The following ACSL4 variants were observed in gnomAD, a reference collection of about 807,000 sequenced individuals.
ACSL4 encodes the protein long-chain-fatty-acid--CoA ligase 4.
Under a neutral mutation model 49.1 loss-of-function variants are expected in ACSL4, and 9 were observed. That is an observed-to-expected ratio of 0.18 (90% CI 0.11 to 0.32). The LOEUF (loss-of-function observed/expected upper bound fraction) is 0.32, where lower values mean the gene tolerates loss of function less well. Among genes scored for constraint, ACSL4 ranks in the 10% least tolerant of loss-of-function variants. The probability of loss-of-function intolerance (pLI) is 1.00; values close to 1 mark genes in which losing one functional copy is unlikely to be tolerated. For missense variants in ACSL4, 333 were observed against 493.7 expected (o/e 0.67, Z 3.08); for synonymous variants, 191 against 170.3 (o/e 1.12, Z -0.95).
chrX:109,681,116 A>G lies in ACSL4; in HGVS notation c.537T>C (p.Ser179=). 8.3e-7 allele frequency: 1 copy of G among 1,210,690 alleles called. No homozygotes were observed. Among genetic ancestry groups the G allele is most frequent in the Non-Finnish European group, 1.1e-6 (1 of 894,980 alleles). The change falls in exon 6 of 16, where the codon AGT becomes AGC. Residue 179 remains serine (S), a synonymous_variant. Transcript: ENST00000672401. ...SKLKTALLDI[S]CVKHIIYVDN... is the part of the protein sequence containing the mutation. ...CCACATAAATGATATGTTTAACACA[A>G]CTGATATCTAACAATGCAGTCTGTT...
intron 10 of ACSL4, 111 bp downstream of exon 10, chrX:109,668,923 T>C (rs1922918159): frequency 3.2e-6 from 2 of 628,068 alleles, no homozygotes; most frequent in South Asian, 5.5e-5. Flanking sequence ...CTTATGATCA[T>C]GGTGGTGATA....
At chrX:109,683,637 T>C (rs1924360550) in intron 2 of ACSL4, 1 of 457,135 alleles carries the variant, frequency 2.2e-6, no homozygotes, top group African/African-American at 2.5e-5. Flanking sequence ...TAAAAGTTAG[T>C]AATCTTTGGA....
At chrX:109,688,664 G>A (rs1924798932) in intron 2 of ACSL4, among the ~76,000 whole-genome samples, 2 of 111,055 alleles carry the variant, frequency 1.8e-5, no homozygotes, top group South Asian at 7.6e-4. Flanking sequence ...CATGCTATTA[G>A]ATCCAAAGGT....
chrX:109,729,208 C>T (rs747728112), intron 1 of ACSL4, among the ~76,000 whole-genome samples: 7 of 109,695 alleles, frequency 6.4e-5, no homozygotes, highest in East Asian at 2.8e-4. Flanking sequence ...AGCGAGACTC[C>T]GTCTCAAAAA....
At chrX:109,679,179 T>C (rs774296536) in intron 6 of ACSL4, among the ~76,000 whole-genome samples, 9 of 112,274 alleles carry the variant, frequency 8.0e-5, no homozygotes, top group Non-Finnish European at 1.7e-4. Context: ...GATTCTCATA[T>C]ATGCCCCTGA....
At chrX:109,714,386 T>C (rs1395195781) in intron 1 of ACSL4, among the ~76,000 whole-genome samples, 1 of 112,306 alleles carries the variant, frequency 8.9e-6, no homozygotes, top group African/African-American at 3.2e-5. Flanking sequence ...AAAAAGGTTA[T>C]AGTAAGCTAA....
intron 10 of ACSL4, 105 bp downstream of exon 10, chrX:109,668,929 T>C: frequency 1.5e-6 from 1 of 655,660 alleles, no homozygotes; most frequent in Non-Finnish European, 2.4e-6. Context: ...ATCATGGTGG[T>C]GATATTCAAA....
chrX:109,730,857 G>A (rs1928381425), intron 1 of ACSL4, among the ~76,000 whole-genome samples: 2 of 111,191 alleles, frequency 1.8e-5, no homozygotes, highest in Admixed American at 1.9e-4. Context: ...TAGTAGAGAC[G>A]GGGTTCCACC....
rs772055932 is a variant in ACSL4, at chrX:109,668,135, C to G, written c.1281G>C (p.Leu427=). The change falls in exon 11 of 16, where the codon CTG becomes CTC. Residue 427 remains leucine (L), a synonymous_variant. Coordinates refer to ENST00000672401, the MANE Select transcript of ACSL4 (RefSeq NM_001318510.2). Reference sequence around the variant, plus strand: ...CTGTCCCAGCACCACATGATTCTGTCAGTCCATAACCCTGGCCAATTGGGC... The same window carrying G: ...CTGTCCCAGCACCACATGATTCTGTGAGTCCATAACCCTGGCCAATTGGGC... ...FCCPIGQGYG[L]TESCGAGTVT... is the part of the protein sequence containing the mutation. 1 of 1,208,603 alleles carries G rather than the reference C, an allele frequency of 8.3e-7. No homozygotes were observed. The highest frequency in any genetic ancestry group is 2.2e-5 in the Admixed American group (1 of 45,989).
intron 1 of ACSL4, among the ~76,000 whole-genome samples, chrX:109,698,020 C>T (rs1244805057): frequency 9.0e-6 from 1 of 111,080 alleles, no homozygotes; most frequent in Non-Finnish European, 1.9e-5. Context: ...AACTCTTGAC[C>T]CTTGGTACTA....
chrX:109,692,510 C>T (rs1250603081), intron 2 of ACSL4, among the ~76,000 whole-genome samples: 1 of 111,925 alleles, frequency 8.9e-6, no homozygotes, highest in Non-Finnish European at 1.9e-5. Flanking sequence ...TATAATCAAA[C>T]TTTATTAAAC....
At chrX:109,650,140 C>T (rs1342925120) in intron 15 of ACSL4, among the ~76,000 whole-genome samples, 1 of 111,477 alleles carries the variant, frequency 9.0e-6, no homozygotes, top group East Asian at 2.8e-4. Flanking sequence ...GGATCTAGAA[C>T]TAGAAATACC....
chrX:109,679,695 G>A (rs902889011), intron 6 of ACSL4, among the ~76,000 whole-genome samples: 1 of 112,269 alleles, frequency 8.9e-6, no homozygotes, highest in Admixed American at 9.4e-5. Context: ...CACAATAACT[G>A]TCTGTACCAC....
At chrX:109,693,751 G>C (rs182676692) in intron 2 of ACSL4, among the ~76,000 whole-genome samples, 139 of 111,798 alleles carry the variant, frequency 1.2e-3, no homozygotes, top group Non-Finnish European at 2.2e-3. Context: ...GCAATTGATG[G>C]GGGGCCTCCA....
chrX:109,671,187 T>A lies in ACSL4; in HGVS notation c.1003-2014A>T, dbSNP rs191489068. 5.5e-3 allele frequency among the ~76,000 whole-genome samples: 599 copies of A among 108,678 alleles called. 6 individuals are homozygous for A. The highest frequency in any genetic ancestry group is 0.017 in the African/African-American group (511 of 29,637). The allele number at this position is 108,678 out of a possible 115,157, so 94.4% of individuals were successfully genotyped here. ...TCCTGTCTAGGAAGTGAGGAGTGTC[T>A]CTGCCCAGCCGCCCATCCTCTGGGA... On this transcript the variant is annotated intron_variant, in intron 9 of 15. Coordinates refer to ENST00000672401, the MANE Select transcript of ACSL4 (RefSeq NM_001318510.2).
chrX:109,661,746 ACTT>A, intron 13 of ACSL4, 101 bp from the exon 14 acceptor site: 3 of 582,281 alleles, frequency 5.2e-6, no homozygotes, highest in South Asian at 5.1e-5. Flanking sequence ...TTACAAAACT[ACTT>A]CTTCTAAAAT....
intron 2 of ACSL4, chrX:109,683,670 T>C (rs937479921): frequency 2.4e-6 from 1 of 420,242 alleles, no homozygotes; most frequent in African/African-American, 2.5e-5. Context: ...AGTACGCCTG[T>C]AGGTGATGAC....
chrX:109,701,300 T>C (rs1257363089), intron 1 of ACSL4, among the ~76,000 whole-genome samples: 1 of 108,398 alleles, frequency 9.2e-6, no homozygotes, highest in Non-Finnish European at 1.9e-5. Flanking sequence ...CACTGCAACT[T>C]CCACTTCCCA....
At chrX:109,725,727 G>A (rs1193987013) in intron 1 of ACSL4, among the ~76,000 whole-genome samples, 2 of 110,692 alleles carry the variant, frequency 1.8e-5, no homozygotes, top group African/African-American at 3.3e-5. Flanking sequence ...GCAAAAGAGC[G>A]AGACTCCATC....
Sources: allele counts gnomAD v4.1 joint callset (sites outside exome capture counted in the v4.1 genomes callset), GRCh38; gene constraint gnomAD v4.1.1; transcripts MANE v1.5; gene names NCBI Gene and HGNC (gene_info 2026-07-23, HGNC 2026-07-21).